Variants in TIAM2 observed in about 807,000 individuals in gnomAD.
TIAM2 encodes the protein TIAM Rac1 associated GEF 2.
A neutral mutation model predicts 152.9 loss-of-function variants in TIAM2; 80 were observed. The observed-to-expected ratio is 0.52, with a 90% CI of 0.44 to 0.63. TIAM2 has a LOEUF of 0.63. Ranked by LOEUF, TIAM2 falls within the 30% of genes least tolerant of loss-of-function variation. The pLI, the probability that TIAM2 is intolerant of heterozygous loss-of-function variation, is 0.00. For missense variants in TIAM2, 1,965 were observed against 2,120.1 expected, an observed-to-expected ratio of 0.93 and a Z score of 1.44; for synonymous variants, 804 against 838.0, an observed-to-expected ratio of 0.96 and a Z score of 0.70.
rs765956377 is a variant in TIAM2, at chr6:155,253,976, C to T, written c.4229C>T (p.Thr1410Ile). 1 of 1,611,814 alleles carries T rather than the reference C, an allele frequency of 6.2e-7. No individual in the cohort carries two copies. Among genetic ancestry groups the T allele is most frequent in the Non-Finnish European group, 8.5e-7 (1 of 1,179,280 alleles). Residue 1410 changes from threonine to isoleucine, a missense_variant, in exon 25 of 27, where the codon ACA becomes ATA. Physicochemically the swap from Thr to Ile is moderately conservative, Grantham distance 89. Around this residue, in one of 3 missense-constraint regions of TIAM2, gnomAD observed 935 missense variants for 980.0 expected, o/e 0.95. Transcript: ENST00000682666. ...LQVRLGNPAGTENNSIWELIH... is the reference protein window; with the variant it reads ...LQVRLGNPAGIENNSIWELIH... ...GTTTCCATTTCCTTTTACATAGGGACAGAAAATAATTCCATATGGGAACTG... is the reference window on the plus strand; with the variant it reads ...GTTTCCATTTCCTTTTACATAGGGATAGAAAATAATTCCATATGGGAACTG...
intron 12 of TIAM2, among the ~76,000 whole-genome samples, chr6:155,180,124 A>G (rs1267885797): frequency 6.6e-6 from 1 of 152,072 alleles, no homozygotes; most frequent in East Asian, 1.9e-4. Flanking sequence ...TACTAAAAAT[A>G]CAAAATTAGC....
chr6:155,003,602 A>G (rs956270498), intron 1 of TIAM2, among the ~76,000 whole-genome samples: 5 of 152,138 alleles, frequency 3.3e-5, no homozygotes, highest in Non-Finnish European at 7.3e-5. Flanking sequence ...CCAAGTCTCC[A>G]CCGGGGCCAA....
intron 1 of TIAM2, among the ~76,000 whole-genome samples, chr6:155,041,381 C>T (rs1490323142): frequency 2.0e-5 from 3 of 151,944 alleles, no homozygotes; most frequent in African/African-American, 7.3e-5. Context: ...GGGGTTCAAA[C>T]TGTGTTTTTC....
chr6:155,231,652 A>G (rs1583268798), intron 15 of TIAM2, among the ~76,000 whole-genome samples: 1 of 152,292 alleles, frequency 6.6e-6, no homozygotes, highest in South Asian at 2.1e-4. Flanking sequence ...AGCACTAAAT[A>G]GAGTTCAGCC....
intron 5 of TIAM2, among the ~76,000 whole-genome samples, chr6:155,140,704 A>G (rs1334358706): frequency 6.6e-6 from 1 of 152,144 alleles, no homozygotes; most frequent in Non-Finnish European, 1.5e-5. Context: ...AGATCTAGGG[A>G]TATTTAGCAT....
rs559793140 is a variant in TIAM2, at chr6:155,043,799, T to C, written c.-208-46490T>C. Among the ~76,000 whole-genome samples the C allele has an allele frequency of 3.9e-5, 6 of 152,222 alleles. No homozygotes were observed. The East Asian group carries it at 1.2e-3, about 29-fold the overall frequency. ...GAAGAATCTGAAGCCCATCAATTTCTTGCAGGTTAATCAGCTACTTAGTTA... is the reference window on the plus strand; with the variant it reads ...GAAGAATCTGAAGCCCATCAATTTCCTGCAGGTTAATCAGCTACTTAGTTA... On this transcript the variant is annotated intron_variant, in intron 1 of 26. Coordinates refer to ENST00000682666, the MANE Select transcript of TIAM2 (RefSeq NM_012454.4).
At chr6:155,254,119 A>G in intron 25 of TIAM2, 59 bp downstream of exon 25, 1 of 1,547,534 alleles carries the variant, frequency 6.5e-7, no homozygotes, top group Non-Finnish European at 8.8e-7. Flanking sequence ...ATGTCTCTTA[A>G]GGGAATTTAT....
chr6:155,016,491 T>C (rs908114359), intron 1 of TIAM2: 2 of 150,826 alleles, frequency 1.3e-5, no homozygotes, highest in African/African-American at 4.9e-5. Flanking sequence ...TAAATTTAAA[T>C]GTAAATGGTA....
At chr6:155,050,767 G>T (rs1777301338) in intron 1 of TIAM2, among the ~76,000 whole-genome samples, 1 of 152,158 alleles carries the variant, frequency 6.6e-6, no homozygotes, top group African/African-American at 2.4e-5. Flanking sequence ...TTTTACAGTG[G>T]TGTCTTTTTC....
intron 2 of TIAM2, among the ~76,000 whole-genome samples, chr6:155,105,048 C>A (rs1299843387): frequency 2.0e-5 from 3 of 152,098 alleles, no homozygotes; most frequent in Non-Finnish European, 2.9e-5. Flanking sequence ...CCTTGACCTC[C>A]CCAGGCTCAA....
chr6:155,006,674 C>T (rs1200284962), intron 1 of TIAM2, among the ~76,000 whole-genome samples: 4 of 148,644 alleles, frequency 2.7e-5, no homozygotes, highest in African/African-American at 9.9e-5. Flanking sequence ...TCCCCCACCT[C>T]CCCCCACCAA....
intron 14 of TIAM2, among the ~76,000 whole-genome samples, chr6:155,202,035 T>TA (rs5881125): frequency 1.3e-5 from 2 of 151,984 alleles, no homozygotes; most frequent in Non-Finnish European, 2.9e-5. Flanking sequence ...GTCATAACAA[T>TA]AAAAAAAAAT....
At chr6:155,070,212 T>C (rs1469744629) in intron 1 of TIAM2, among the ~76,000 whole-genome samples, 5 of 17,980 alleles carry the variant, frequency 2.8e-4, no homozygotes, top group Non-Finnish European at 7.5e-4. Context: ...GGCCAGACTT[T>C]TTTTTTTTTT....
intron 1 of TIAM2, among the ~76,000 whole-genome samples, chr6:155,086,953 A>G (rs1291467846): frequency 6.6e-6 from 1 of 152,230 alleles, no homozygotes; most frequent in African/African-American, 2.4e-5. Context: ...GTTCTAGTAA[A>G]GGGGAAAGGT....
chr6:155,243,906 T>A, intron 16 of TIAM2, 105 bp from the exon 17 acceptor site: 13 of 631,176 alleles, frequency 2.1e-5, no homozygotes, highest in East Asian at 7.5e-5. Context: ...AACTTCATTA[T>A]CCTGATGGGA....
chr6:155,049,587 G>A (rs188120990), intron 1 of TIAM2, among the ~76,000 whole-genome samples: 41 of 152,148 alleles, frequency 2.7e-4, no homozygotes, highest in African/African-American at 8.0e-4. Flanking sequence ...CATTAACAGC[G>A]GCTAACCTTA....
chr6:155,094,546 C>CCTTTT (rs746652506), intron 2 of TIAM2, among the ~76,000 whole-genome samples: 1 of 79,940 alleles, frequency 1.3e-5, no homozygotes, highest in African/African-American at 5.1e-5. Flanking sequence ...TTCACTCAGA[C>CCTTTT]TTTTTTTTTT....
intron 9 of TIAM2, among the ~76,000 whole-genome samples, chr6:155,171,068 C>A (rs1271113210): frequency 1.3e-5 from 2 of 152,148 alleles, no homozygotes; most frequent in African/African-American, 4.8e-5. Context: ...ATACTTGTAA[C>A]CTGCACAAAC....
chr6:155,178,630 A>G (rs1780816672), intron 10 of TIAM2, among the ~76,000 whole-genome samples: 1 of 152,116 alleles, frequency 6.6e-6, no homozygotes, highest in Admixed American at 6.5e-5. Context: ...ACTGGAGTGC[A>G]GTGGTGCTAC....
Sources: gnomAD v4.1 joint callset for allele counts (sites outside exome capture counted in the v4.1 genomes callset) on GRCh38, gnomAD v4.1.1 for gene constraint, gnomAD v4.1.1 regional missense constraint, MANE v1.5 for transcripts, NCBI Gene and HGNC (gene_info 2026-07-23, HGNC 2026-07-21) for gene names.